The following CGNL1 variants were observed in gnomAD, a reference collection of about 807,000 sequenced individuals.
CGNL1 encodes cingulin like 1.
A neutral mutation model predicts 141.2 loss-of-function variants in CGNL1; 132 were observed. The ratio of observed to expected loss-of-function variants is 0.93; its 90% CI spans 0.81 to 1.08. The LOEUF is 1.08. Among genes scored for constraint, CGNL1 ranks in the 50% least tolerant of loss-of-function variants. The pLI, the probability that CGNL1 is intolerant of heterozygous loss-of-function variation, is 0.00. For missense variants in CGNL1, 1,870 were observed against 1,588.6 expected, an observed-to-expected ratio of 1.18 and a Z score of -3.01; for synonymous variants, 690 against 622.1, an observed-to-expected ratio of 1.11 and a Z score of -1.63.
chr15:57,401,911 C>T (rs561174052), intron 1 of CGNL1: 1 of 152,232 alleles, frequency 6.6e-6, no homozygotes, highest in South Asian at 2.1e-4. Flanking sequence ...AATGTGAAGG[C>T]TTGTGGAAAG....
Position 57,511,838 on chromosome 15 carries a change from C to A in CGNL1, c.2404-4942C>A, listed in dbSNP as rs139595981. Among the ~76,000 whole-genome samples, 345 of 152,290 alleles carry A rather than the reference C, an allele frequency of 2.3e-3. 3 individuals are homozygous for A. The highest frequency in any genetic ancestry group is 7.3e-3 in the African/African-American group (304 of 41,558). On this transcript the variant is annotated intron_variant, in intron 8 of 18. Coordinates refer to ENST00000281282, the MANE Select transcript of CGNL1 (RefSeq NM_032866.5). ...GAGTAATAGCTAAAATATTGAAATG[C>A]AAATCCATGTAATTCTTTTAAAACA...
At chr15:57,437,611 C>A (rs1253762747) in intron 1 of CGNL1, among the ~76,000 whole-genome samples, 2 of 23,054 alleles carry the variant, frequency 8.7e-5, no homozygotes, top group African/African-American at 1.8e-4. Flanking sequence ...AGGAAACCAA[C>A]TAAACAGCAA....
intron 1 of CGNL1, among the ~76,000 whole-genome samples, chr15:57,389,473 A>G (rs2062518821): frequency 6.6e-6 from 1 of 152,230 alleles, no homozygotes; most frequent in Admixed American, 6.5e-5. Context: ...GAATGAAATG[A>G]GCAGACACTT....
In CGNL1 at chr15:57,439,250, C is replaced by A; in HGVS notation, c.1251C>A (p.His417Gln). Residue 417 changes from histidine to glutamine, a missense_variant, in exon 2 of 19, where the codon CAC (histidine) becomes CAA (glutamine). By Grantham distance (24) the His-to-Gln change is conservative. Coordinates refer to ENST00000281282, the MANE Select transcript of CGNL1 (RefSeq NM_032866.5). ...FSRNLGKSSE[H>Q]LLRPSQVCPQ... ...GGAACTTGGGCAAGTCAAGCGAACACCTCCTCCGGCCTTCCCAGGTGTGCC... is the reference window on the plus strand; with the variant it reads ...GGAACTTGGGCAAGTCAAGCGAACAACTCCTCCGGCCTTCCCAGGTGTGCC... The A allele has an allele frequency of 6.2e-7, 1 of 1,614,100 alleles. No individual in the cohort carries two copies.
intron 1 of CGNL1, among the ~76,000 whole-genome samples, chr15:57,399,544 TG>T (rs1444532041): frequency 2.5e-5 from 3 of 122,142 alleles, no homozygotes; most frequent in African/African-American, 8.6e-5. Flanking sequence ...CATCTATAGT[TG>T]TTTTTTTTTT....
chr15:57,413,541 C>T (rs995917649), intron 1 of CGNL1, among the ~76,000 whole-genome samples: 1 of 152,248 alleles, frequency 6.6e-6, no homozygotes, highest in Non-Finnish European at 1.5e-5. Context: ...CCCCCTCAGC[C>T]TCCCAAAGTG....
chr15:57,444,788 C>T (rs2063231196), intron 4 of CGNL1, among the ~76,000 whole-genome samples: 1 of 152,136 alleles, frequency 6.6e-6, no homozygotes, highest in Admixed American at 6.5e-5. Flanking sequence ...TGAGGAAGAG[C>T]CTGGTAGCAA....
chr15:57,451,412 A>T, intron 4 of CGNL1, 88 bp from the exon 5 acceptor site: 1 of 928,760 alleles, frequency 1.1e-6, no homozygotes, highest in Non-Finnish European at 1.7e-6. Flanking sequence ...CTCATCTGTT[A>T]CTGCACTGAT....
chr15:57,425,044 A>C (rs1706375), intron 1 of CGNL1, among the ~76,000 whole-genome samples: 172 of 152,334 alleles, frequency 1.1e-3, no homozygotes, highest in African/African-American at 4.0e-3. Flanking sequence ...GTGAACACTA[A>C]GAATCGTTGA....
intron 8 of CGNL1, among the ~76,000 whole-genome samples, chr15:57,468,834 T>C (rs148251435): frequency 5.1e-4 from 78 of 152,246 alleles, no homozygotes; most frequent in African/African-American, 1.7e-3. Context: ...ACTGTTCTCA[T>C]GGTAGTGAAT....
rs1010086651 is a variant in CGNL1, at chr15:57,500,269, G to A, written c.2404-16511G>A. Among the ~76,000 whole-genome samples the A allele has an allele frequency of 3.9e-5, 6 of 152,300 alleles. No individual in the cohort carries two copies. In the East Asian group the frequency reaches 9.6e-4, roughly 24 times the overall value. Reference sequence around the variant, plus strand: ...AAGCATAAGGAGACCCTTGCGGCCCGTGGGTTCCTGTGCAGCACTGGCAGA... The same window carrying A: ...AAGCATAAGGAGACCCTTGCGGCCCATGGGTTCCTGTGCAGCACTGGCAGA... On this transcript the variant is annotated intron_variant, in intron 8 of 18. Coordinates refer to ENST00000281282, the MANE Select transcript of CGNL1 (RefSeq NM_032866.5).
At chr15:57,486,739 C>T (rs1239303337) in intron 8 of CGNL1, among the ~76,000 whole-genome samples, 1 of 152,042 alleles carries the variant, frequency 6.6e-6, no homozygotes, top group Non-Finnish European at 1.5e-5. Flanking sequence ...TGAATCTGAC[C>T]GTGTTGAGTT....
At chr15:57,540,895 G>A (rs1042504354) in intron 14 of CGNL1, among the ~76,000 whole-genome samples, 3 of 152,214 alleles carry the variant, frequency 2.0e-5, no homozygotes, top group Admixed American at 6.5e-5. Flanking sequence ...GTGTGCACTC[G>A]CAGACACATG....
At chr15:57,536,256 C>G (rs1315126948) in intron 14 of CGNL1, among the ~76,000 whole-genome samples, 4 of 152,168 alleles carry the variant, frequency 2.6e-5, no homozygotes, top group Non-Finnish European at 5.9e-5. Flanking sequence ...CCACTGGGTC[C>G]CTCCCACAAC....
intron 14 of CGNL1, among the ~76,000 whole-genome samples, chr15:57,543,029 G>A (rs2032649585): frequency 6.6e-6 from 1 of 152,176 alleles, no homozygotes; most frequent in African/African-American, 2.4e-5. Context: ...CACAACCTGG[G>A]TGCCTTAAAA....
At chr15:57,481,388 G>A (rs1480021950) in intron 8 of CGNL1, among the ~76,000 whole-genome samples, 2 of 152,024 alleles carry the variant, frequency 1.3e-5, no homozygotes, top group Non-Finnish European at 2.9e-5. Context: ...CTTCTCTCTG[G>A]TTTTTAAATT....
chr15:57,439,639 T>C (rs769182422), intron 2 of CGNL1, 38 bp downstream of exon 2: 4 of 1,584,162 alleles, frequency 2.5e-6, no homozygotes, highest in Non-Finnish European at 3.4e-6. Flanking sequence ...TTTTTTTCTC[T>C]TCCTTCTAAA....
intron 1 of CGNL1, among the ~76,000 whole-genome samples, chr15:57,398,159 A>G (rs2062622837): frequency 6.6e-6 from 1 of 152,262 alleles, no homozygotes; most frequent in South Asian, 2.1e-4. Context: ...AAGCATTTGG[A>G]AAATACAGAA....
intron 7 of CGNL1, among the ~76,000 whole-genome samples, chr15:57,458,607 G>A (rs1208291542): frequency 2.6e-5 from 4 of 152,178 alleles, no homozygotes; most frequent in South Asian, 4.1e-4. Flanking sequence ...ATTGAGAAAC[G>A]TGTGAGAGTA....
Sources: allele counts gnomAD v4.1 joint callset (sites outside exome capture counted in the v4.1 genomes callset), GRCh38; gene constraint gnomAD v4.1.1; transcripts MANE v1.5; gene names NCBI Gene and HGNC (gene_info 2026-07-23, HGNC 2026-07-21).